The following SAMMSON variants were observed in gnomAD, a reference collection of about 807,000 sequenced individuals.
SAMMSON encodes survival associated mitochondrial melanoma specific oncogenic non-coding RNA, also known as long intergenic non-protein coding RNA 1212.
intron 6 of SAMMSON, among the ~76,000 whole-genome samples, chr3:70,272,734 A>G (rs1701986602): frequency 6.6e-6 from 1 of 152,218 alleles, no homozygotes; most frequent in Non-Finnish European, 1.5e-5. Context: ...GGAATGTACA[A>G]ACATTATTAT....
At chr3:70,240,899 G>A (rs1054050905) in intron 4 of SAMMSON, among the ~76,000 whole-genome samples, 10 of 152,124 alleles carry the variant, frequency 6.6e-5, no homozygotes, top group Non-Finnish European at 1.5e-4. Flanking sequence ...TAAGCAGTAT[G>A]AAAACACTGA....
intron 4 of SAMMSON, among the ~76,000 whole-genome samples, chr3:70,211,229 TC>T (rs1464504988): frequency 1.3e-5 from 2 of 151,694 alleles, no homozygotes; most frequent in Admixed American, 6.6e-5. Flanking sequence ...TCCTTTCCTT[TC>T]CCTTTTTCCT....
At position 70,402,121 on chromosome 3, in the gene SAMMSON, A is replaced by T. The variant is rs116680071; in HGVS notation, n.233+43797A>T. Among the ~76,000 whole-genome samples the T allele has an allele frequency of 3.7e-3, 565 of 152,320 alleles. 2 individuals carry two copies. Among genetic ancestry groups the T allele is most frequent in the Admixed American group, 5.6e-3 (86 of 15,300 alleles). On this transcript the variant is annotated intron_variant and non_coding_transcript_variant, in intron 2 of 3. Coordinates refer to the SAMMSON transcript ENST00000641053. ...TCTCAAATCTGTTCTGTAGAGTTAA[A>T]ATGTATATTGACATAGAAAGCCTTC...
chr3:70,153,066 C>T (rs530946556), intron 4 of SAMMSON, among the ~76,000 whole-genome samples: 2 of 151,892 alleles, frequency 1.3e-5, no homozygotes, highest in East Asian at 1.9e-4. Context: ...GCAGAGCCAA[C>T]ACATTGTCCC....
intron 7 of SAMMSON, among the ~76,000 whole-genome samples, chr3:70,321,121 G>T (rs1299233593): frequency 1.3e-5 from 2 of 151,962 alleles, no homozygotes; most frequent in Non-Finnish European, 2.9e-5. Flanking sequence ...CAGGATCCAG[G>T]CTAATAAATG....
intron 2 of SAMMSON, among the ~76,000 whole-genome samples, chr3:70,434,057 A>G (rs1701437264): frequency 6.6e-6 from 1 of 152,206 alleles, no homozygotes; most frequent in African/African-American, 2.4e-5. Context: ...TTTATAAGCA[A>G]TTCTTGAAGC....
At chr3:70,268,333 G>A (rs1575611008) in intron 6 of SAMMSON, among the ~76,000 whole-genome samples, 1 of 152,098 alleles carries the variant, frequency 6.6e-6, no homozygotes, top group African/African-American at 2.4e-5. Context: ...AAATTAGCCA[G>A]GCGTGGTTGT....
At chr3:70,219,602 A>G (rs1428699966) in intron 4 of SAMMSON, among the ~76,000 whole-genome samples, 1 of 152,154 alleles carries the variant, frequency 6.6e-6, no homozygotes, top group Non-Finnish European at 1.5e-5. Flanking sequence ...GGGATGAAAA[A>G]CCAACAGAAT....
At chr3:70,101,396 A>G (rs550928460) in intron 4 of SAMMSON, among the ~76,000 whole-genome samples, 11 of 151,176 alleles carry the variant, frequency 7.3e-5, no homozygotes, top group African/African-American at 2.0e-4. Flanking sequence ...GACATTTTTT[A>G]TGAAAAAAAA....
At chr3:70,076,948 C>T (rs1038864075) in intron 4 of SAMMSON, among the ~76,000 whole-genome samples, 4 of 152,038 alleles carry the variant, frequency 2.6e-5, no homozygotes, top group African/African-American at 9.7e-5. Flanking sequence ...TGTTAAGAGG[C>T]AGTGTGACAA....
At chr3:70,128,985 C>G (rs887969423) in intron 4 of SAMMSON, among the ~76,000 whole-genome samples, 1 of 152,076 alleles carries the variant, frequency 6.6e-6, no homozygotes, top group African/African-American at 2.4e-5. Flanking sequence ...TAAAAACTGC[C>G]TTATAAGGTT....
intron 9 of SAMMSON, among the ~76,000 whole-genome samples, chr3:70,380,661 T>A (rs900375353): frequency 2.0e-5 from 3 of 152,168 alleles, no homozygotes; most frequent in African/African-American, 4.8e-5. Flanking sequence ...CATTTAACAT[T>A]AGGTATATCT....
chr3:70,196,839 C>G (rs1445717932), intron 4 of SAMMSON: 2 of 397,524 alleles, frequency 5.0e-6, no homozygotes, highest in African/African-American at 4.1e-5. Context: ...ACAGTCCTTA[C>G]ATTTCAGCAC....
intron 4 of SAMMSON, among the ~76,000 whole-genome samples, chr3:70,161,113 A>T (rs1259341030): frequency 1.3e-5 from 2 of 151,968 alleles, no homozygotes; most frequent in African/African-American, 4.8e-5. Context: ...AAATAAAGAC[A>T]ATTTTATCTC....
At chr3:70,267,065 T>C (rs1183646696) in intron 6 of SAMMSON, among the ~76,000 whole-genome samples, 1 of 152,114 alleles carries the variant, frequency 6.6e-6, no homozygotes, top group Non-Finnish European at 1.5e-5. Context: ...GTCGTGCCAA[T>C]GAATGAAGTT....
chr3:70,263,202 A>G lies in SAMMSON; in HGVS notation n.674+13532A>G, dbSNP rs1192090042. On this transcript the variant is annotated intron_variant and non_coding_transcript_variant, in intron 6 of 9. Coordinates refer to ENST00000642114, the Ensembl canonical transcript of SAMMSON. ...AACTGATTTTTCCTTCTGGTTATGG[A>G]TCATATTTTCCTGCTTCTTCTTTCT... 2.0e-5 allele frequency among the ~76,000 whole-genome samples: 3 copies of G among 151,942 alleles called. No homozygotes were observed. In the East Asian group the frequency reaches 5.8e-4, roughly 29 times the overall value.
intron 4 of SAMMSON, among the ~76,000 whole-genome samples, chr3:70,098,838 A>T (rs2067332578): frequency 6.6e-6 from 1 of 152,162 alleles, no homozygotes. Flanking sequence ...CTTCTCTTAA[A>T]GTGTGGCGAT....
intron 7 of SAMMSON, among the ~76,000 whole-genome samples, chr3:70,310,602 G>C (rs1702445271): frequency 6.6e-6 from 1 of 152,000 alleles, no homozygotes; most frequent in African/African-American, 2.4e-5. Flanking sequence ...CTGACCGCAA[G>C]TGATCCACCC....
At chr3:70,300,781 A>G (rs1221652520) in intron 7 of SAMMSON, among the ~76,000 whole-genome samples, 3 of 152,100 alleles carry the variant, frequency 2.0e-5, no homozygotes, top group African/African-American at 7.2e-5. Flanking sequence ...TTCAGTGGCC[A>G]GTGAGTTGCT....
Sources: allele counts gnomAD v4.1 joint callset (sites outside exome capture counted in the v4.1 genomes callset), GRCh38; gene constraint gnomAD v4.1.1; transcripts MANE v1.5; gene names NCBI Gene and HGNC (gene_info 2026-07-23, HGNC 2026-07-21).